Variants in SAMD5 observed in about 807,000 individuals in gnomAD.
SAMD5 encodes sterile alpha motif domain containing 5, also known as sterile alpha motif domain-containing protein 5.
In SAMD5, 13 loss-of-function variants were observed where a neutral mutation model predicts 11.3. That is an observed-to-expected ratio of 1.15 (90% CI 0.75 to 1.83). SAMD5 has a LOEUF of 1.83. Among genes scored for constraint, SAMD5 ranks in the 40% most tolerant of loss-of-function variants. The pLI is 0.00. For synonymous variants in SAMD5, 129 were observed against 111.3 expected (o/e 1.16, Z -1.00); for missense variants, 255 against 239.1 (o/e 1.07, Z -0.44).
At chr6:147,683,754 A>G (rs75981525) in intron 1 of SAMD5, among the ~76,000 whole-genome samples, 4,943 of 152,236 alleles carry the variant, frequency 0.032, 112 homozygotes, top group South Asian at 0.072. Flanking sequence ...CTTTGATATA[A>G]TTATTACAAA....
At chr6:147,804,396 C>T in the SAMD5 span, among the ~76,000 whole-genome samples, 1 of 152,186 alleles carries the variant, frequency 6.6e-6, no homozygotes, top group East Asian at 1.9e-4. Context: ...AGGCGTGAGC[C>T]ACTGCGCCCA....
the SAMD5 span, among the ~76,000 whole-genome samples, chr6:147,784,171 AAC>A: frequency 2.6e-5 from 4 of 151,146 alleles, no homozygotes. Flanking sequence ...TTCCACTTGA[AAC>A]AGAGTTAACT....
Position 147,551,815 on chromosome 6 carries a change from TA to T in SAMD5, c.460-12578del, listed in dbSNP as rs1562318581. Among the ~76,000 whole-genome samples, 563 of 133,134 alleles carry T rather than the reference TA, an allele frequency of 4.2e-3. 3 individuals carry two copies. The highest frequency in any genetic ancestry group is 5.3e-3 in the Non-Finnish European group (341 of 64,256). The allele number at this position is 133,134 out of a possible 152,430, so 87.3% of individuals were successfully genotyped here. On this transcript the variant is annotated intron_variant, in intron 1 of 1. Transcript: ENST00000367474. ...AAATGTGATTCTTATATATATGTTA[TA>T]TATATATATATATATATATATGTAT... is the stretch of plus-strand genomic sequence containing the variant.
chr6:147,833,770 C>T, the SAMD5 span, among the ~76,000 whole-genome samples: 1 of 152,176 alleles, frequency 6.6e-6, no homozygotes, highest in Non-Finnish European at 1.5e-5. Flanking sequence ...TCCATTCTTA[C>T]AAATATTCTT....
chr6:147,951,213 C>T, the SAMD5 span, among the ~76,000 whole-genome samples: 3 of 149,546 alleles, frequency 2.0e-5, no homozygotes, highest in East Asian at 2.0e-4. Flanking sequence ...GACGGAGTCT[C>T]GCTCTGTCGC....
intron 1 of SAMD5, among the ~76,000 whole-genome samples, chr6:147,665,255 A>G (rs748778897): frequency 1.2e-4 from 18 of 152,172 alleles, no homozygotes; most frequent in African/African-American, 3.9e-4. Context: ...TCCTTTTCAT[A>G]TATATCAGTC....
chr6:147,878,590 T>C, the SAMD5 span, among the ~76,000 whole-genome samples: 3 of 146,692 alleles, frequency 2.0e-5, no homozygotes, highest in African/African-American at 7.5e-5. Flanking sequence ...TATATAGATA[T>C]ATATACATAT....
At chr6:147,899,170 C>CT in the SAMD5 span, among the ~76,000 whole-genome samples, 1 of 62,626 alleles carries the variant, frequency 1.6e-5, no homozygotes, top group African/African-American at 7.1e-5. Flanking sequence ...GACTCTGTCT[C>CT]AAAAAAAAAA....
intron 1 of SAMD5, among the ~76,000 whole-genome samples, chr6:147,547,391 T>C (rs1788702918): frequency 6.6e-6 from 1 of 152,164 alleles, no homozygotes; most frequent in Admixed American, 6.5e-5. Flanking sequence ...AGAATCCACT[T>C]CCAAGCTCAT....
chr6:147,628,371 A>C (rs1008763771), intron 1 of SAMD5, among the ~76,000 whole-genome samples: 5 of 152,230 alleles, frequency 3.3e-5, no homozygotes, highest in African/African-American at 1.2e-4. Context: ...GATTTTCAAA[A>C]ATGATAAACT....
intron 1 of SAMD5, among the ~76,000 whole-genome samples, chr6:147,735,309 T>C (rs1457854983): frequency 1.3e-5 from 2 of 152,226 alleles, no homozygotes; most frequent in East Asian, 3.8e-4. Flanking sequence ...TATAATGGCA[T>C]AGGATGTTAG....
At chr6:147,796,686 T>C in the SAMD5 span, among the ~76,000 whole-genome samples, 1 of 152,240 alleles carries the variant, frequency 6.6e-6, no homozygotes, top group African/African-American at 2.4e-5. Context: ...ATATTGATTC[T>C]TCCTACCCAT....
At chr6:147,742,212 G>A (rs1425369806), downstream of SAMD5, among the ~76,000 whole-genome samples, 6 of 152,038 alleles carry the variant, frequency 3.9e-5, no homozygotes, top group Non-Finnish European at 7.4e-5. Flanking sequence ...GGCCTAAGTC[G>A]TCTTTTGCCC....
the SAMD5 span, among the ~76,000 whole-genome samples, chr6:147,787,507 T>A: frequency 1.3e-5 from 2 of 152,028 alleles, no homozygotes; most frequent in Non-Finnish European, 2.9e-5. Context: ...AATAGAGCCC[T>A]AAAAAAAATC....
chr6:147,879,640 T>G, the SAMD5 span, among the ~76,000 whole-genome samples: 1 of 152,216 alleles, frequency 6.6e-6, no homozygotes, highest in Non-Finnish European at 1.5e-5. Context: ...GAAATGCTAT[T>G]ATTAATGGAG....
chr6:147,533,143 C>T (rs1788455426), intron 1 of SAMD5, among the ~76,000 whole-genome samples: 2 of 152,108 alleles, frequency 1.3e-5, no homozygotes, highest in African/African-American at 4.8e-5. Context: ...AACATAGGGG[C>T]CCAGACCAAT....
At chr6:147,766,751 G>C in the SAMD5 span, among the ~76,000 whole-genome samples, 1 of 152,090 alleles carries the variant, frequency 6.6e-6, no homozygotes, top group African/African-American at 2.4e-5. Context: ...ATGATAAAGA[G>C]AGTTGACAGA....
At chr6:147,783,331 C>G in the SAMD5 span, among the ~76,000 whole-genome samples, 2 of 150,496 alleles carry the variant, frequency 1.3e-5, no homozygotes, top group Non-Finnish European at 2.9e-5. Flanking sequence ...ATACATCAGA[C>G]CTGATCTAAA....
the SAMD5 span, among the ~76,000 whole-genome samples, chr6:147,817,778 T>C: frequency 6.6e-6 from 1 of 152,168 alleles, no homozygotes; most frequent in Non-Finnish European, 1.5e-5. Context: ...TCGTGAGTGT[T>C]ATCATTCAAT....
Sources: gnomAD v4.1 joint callset for allele counts (sites outside exome capture counted in the v4.1 genomes callset) on GRCh38, gnomAD v4.1.1 for gene constraint, MANE v1.5 for transcripts, NCBI Gene and HGNC (gene_info 2026-07-23, HGNC 2026-07-21) for gene names.